Variants in MUC13 observed in about 807,000 individuals in gnomAD.
The protein encoded by MUC13 is mucin 13, cell surface associated.
Under a neutral mutation model 48.3 loss-of-function variants are expected in MUC13, and 32 were observed. The ratio of observed to expected loss-of-function variants is 0.66; its 90% CI spans 0.50 to 0.89. The LOEUF (loss-of-function observed/expected upper bound fraction) is 0.89. Among genes scored for constraint, MUC13 ranks in the 40% least tolerant of loss-of-function variants. The pLI, the probability that MUC13 is intolerant of heterozygous loss-of-function variation, is 0.00. For synonymous variants in MUC13, 199 were observed against 224.9 expected (o/e 0.88, Z 1.03); for missense variants, 571 against 622.8 (o/e 0.92, Z 0.88).
rs749260493 is a variant in MUC13 at position 124,913,618 on chromosome 3, G to A, written c.1028C>T (p.Ala343Val). Reference sequence around the variant, plus strand: ...TTGCAGGTCAGATTTGCAATCGCATGCTAAACCATTGAGGCAGTCATCCGC... The same window carrying A: ...TTGCAGGTCAGATTTGCAATCGCATACTAAACCATTGAGGCAGTCATCCGC... Reference protein sequence around the residue: ...QTADDCLNGLACDCKSDLQRP... With the variant: ...QTADDCLNGLVCDCKSDLQRP... The change falls in exon 7 of 12, where the codon GCA (alanine) becomes GTA (valine). Residue 343 changes from alanine (A) to valine (V), a missense_variant. Transcript: ENST00000616727. 11 of 1,614,226 alleles carry A rather than the reference G, an allele frequency of 6.8e-6. No homozygotes were observed. The highest frequency in any genetic ancestry group is 9.3e-6 in the Non-Finnish European group (11 of 1,180,028).
intron 1 of MUC13, among the ~76,000 whole-genome samples, chr3:124,933,895 T>C (rs534313467): frequency 6.6e-6 from 1 of 152,308 alleles, no homozygotes; most frequent in South Asian, 2.1e-4. Flanking sequence ...ATGTGGCCCA[T>C]AGAACCCTTC....
At chr3:124,915,305 TGC>T (rs746048447) in intron 6 of MUC13, among the ~76,000 whole-genome samples, 29 of 152,228 alleles carry the variant, frequency 1.9e-4, no homozygotes, top group Non-Finnish European at 3.5e-4. Flanking sequence ...TTCCACACTG[TGC>T]TTGGTAATGC....
intron 6 of MUC13, among the ~76,000 whole-genome samples, chr3:124,913,934 C>T (rs192425188): frequency 1.2e-3 from 190 of 152,240 alleles, no homozygotes; most frequent in Admixed American, 2.6e-3. Context: ...TGGTGGCAAG[C>T]TCCTGTAGTC....
chr3:124,912,321 A>AGAACCCCATGGAAGG, intron 8 of MUC13, 180 bp from the exon 9 acceptor site: 5 of 886,562 alleles, frequency 5.6e-6, no homozygotes, highest in Non-Finnish European at 6.8e-6. Flanking sequence ...ACCACCTTCC[A>AGAACCCCATGGAAGG]TGGGGTTCTG....
At position 124,906,510 on chromosome 3, in the gene MUC13, G is replaced by A. The variant is rs1182731164; in HGVS notation, c.*233C>T. The A allele has an allele frequency of 6.6e-6, 1 of 152,134 alleles. No homozygotes were observed. Among genetic ancestry groups the A allele is most frequent in the African/African-American group, 2.4e-5 (1 of 41,418 alleles). The allele number at this position is 152,134 out of a possible 1,614,324, so 9.4% of individuals were successfully genotyped here. ...GAAGAAAACCACCTCTCTGACAAGC[G>A]CTAATAGCATCTACTACATTTAATG... On this transcript the variant is annotated 3_prime_UTR_variant, in exon 12 of 12. Coordinates refer to ENST00000616727, the MANE Select transcript of MUC13 (RefSeq NM_033049.4).
chr3:124,930,653 A>G (rs1935778835), intron 1 of MUC13, among the ~76,000 whole-genome samples: 1 of 152,244 alleles, frequency 6.6e-6, no homozygotes, highest in African/African-American at 2.4e-5. Context: ...ATAGGTTTCA[A>G]TGGGAAAATA....
intron 8 of MUC13, among the ~76,000 whole-genome samples, chr3:124,912,363 G>A (rs977248591): frequency 3.9e-5 from 6 of 152,274 alleles, no homozygotes; most frequent in African/African-American, 1.2e-4. Flanking sequence ...ATCTCATGCA[G>A]GCTCATTTGC....
At chr3:124,912,304 C>T in intron 8 of MUC13, 163 bp from the exon 9 acceptor site, 1 of 1,019,534 alleles carries the variant, frequency 9.8e-7, no homozygotes, top group South Asian at 1.7e-5. Context: ...TCTCATTCTT[C>T]CAGGAGACCA....
intron 8 of MUC13, among the ~76,000 whole-genome samples, chr3:124,912,884 C>T (rs6764195): frequency 0.72 from 106,673 of 147,736 alleles, 38,667 homozygotes; most frequent in East Asian, 0.88. Flanking sequence ...TGCAGTGAGC[C>T]GAGATTGCAC....
At chr3:124,920,137 G>T (rs931607146) in intron 5 of MUC13, 97 bp downstream of exon 5, 3 of 1,009,354 alleles carry the variant, frequency 3.0e-6, no homozygotes, top group Non-Finnish European at 1.5e-6. Flanking sequence ...CTTGTGACTT[G>T]CCACAGAGGG....
At chr3:124,919,678 T>C (rs1935561619) in intron 5 of MUC13, among the ~76,000 whole-genome samples, 1 of 152,192 alleles carries the variant, frequency 6.6e-6, no homozygotes, top group Non-Finnish European at 1.5e-5. Flanking sequence ...TGCTAATTTC[T>C]TGAGAATCTT....
intron 4 of MUC13, among the ~76,000 whole-genome samples, chr3:124,921,019 C>T (rs938141714): frequency 4.6e-5 from 7 of 152,250 alleles, no homozygotes; most frequent in African/African-American, 1.7e-4. Flanking sequence ...GCTCTCTTTG[C>T]ACCATCTGTA....
At chr3:124,918,087 C>T (rs1044527050) in intron 5 of MUC13, among the ~76,000 whole-genome samples, 15 of 152,116 alleles carry the variant, frequency 9.9e-5, no homozygotes, top group Non-Finnish European at 2.1e-4. Flanking sequence ...TCTCCAGGCC[C>T]GAGTTTCTTC....
intron 4 of MUC13, 29 bp from the exon 5 acceptor site, chr3:124,920,318 G>A (rs187200916): frequency 4.5e-6 from 7 of 1,555,984 alleles, no homozygotes; most frequent in Admixed American, 1.9e-5. Flanking sequence ...TTAATAACAA[G>A]TAAAAAAAAT....
At position 124,927,878 on chromosome 3, in the gene MUC13, G is replaced by T; in HGVS notation, c.168C>A (p.Thr56=). 1 of 1,613,884 alleles carries T rather than the reference G, an allele frequency of 6.2e-7. No homozygotes were observed. Among genetic ancestry groups the T allele is most frequent in the Non-Finnish European group, 8.5e-7 (1 of 1,179,882 alleles). ...TTGGGAAAGAAGGTGTATTTGCTGT[G>T]GTGCTAGCAGTTTCAGGGAAATTAG... is the stretch of plus-strand genomic sequence containing the variant. ...TETNFPETAS[T]TANTPSFPTA... is the part of the protein sequence containing the mutation. The change falls in exon 2 of 12, where the codon ACC becomes ACA. Residue 56 remains threonine (T), a synonymous_variant. Transcript: ENST00000616727.
intron 5 of MUC13, among the ~76,000 whole-genome samples, chr3:124,918,259 A>G (rs534041415): frequency 8.9e-4 from 136 of 152,266 alleles, no homozygotes; most frequent in African/African-American, 3.1e-3. Flanking sequence ...GCTGGAGCCT[A>G]AGAAATGCCT....
At chr3:124,924,724 G>A (rs1935660005) in intron 2 of MUC13, among the ~76,000 whole-genome samples, 1 of 152,176 alleles carries the variant, frequency 6.6e-6, no homozygotes. Flanking sequence ...TGGGGGTTTA[G>A]GATGAGAGGG....
chr3:124,929,492 C>T (rs75961245), intron 1 of MUC13, among the ~76,000 whole-genome samples: 26,501 of 152,206 alleles, frequency 0.17, 2,433 homozygotes, highest in Admixed American at 0.2. Flanking sequence ...CCTGATTCCC[C>T]GATGGGTCTA....
intron 2 of MUC13, among the ~76,000 whole-genome samples, chr3:124,927,158 T>C (rs1420783309): frequency 6.6e-6 from 1 of 152,150 alleles, no homozygotes; most frequent in Non-Finnish European, 1.5e-5. Flanking sequence ...AGACCAGTGG[T>C]GCTGGACAGT....
Sources: allele counts gnomAD v4.1 joint callset (sites outside exome capture counted in the v4.1 genomes callset), GRCh38; gene constraint gnomAD v4.1.1; transcripts MANE v1.5; gene names NCBI Gene and HGNC (gene_info 2026-07-23, HGNC 2026-07-21).